Variants in SPOCK3 observed in about 807,000 individuals in gnomAD.
SPOCK3 encodes the protein testican-3.
In SPOCK3, 30 loss-of-function variants were observed where a neutral mutation model predicts 56.6. The ratio of observed to expected loss-of-function variants is 0.53; its 90% CI spans 0.40 to 0.72. SPOCK3 has a LOEUF of 0.72. SPOCK3 is among the 30% of genes least tolerant of loss of function. SPOCK3 has a pLI of 0.00. For missense variants in SPOCK3, 527 were observed against 530.0 expected (o/e 0.99, Z 0.06); for synonymous variants, 196 against 183.3 (o/e 1.07, Z -0.56).
chr4:167,058,396 C>T (rs932893536), intron 3 of SPOCK3, among the ~76,000 whole-genome samples: 1 of 152,136 alleles, frequency 6.6e-6, no homozygotes, highest in Non-Finnish European at 1.5e-5. Context: ...AACTCCCATT[C>T]ATAAGTGCTT....
chr4:166,746,352 C>G (rs187889391), intron 8 of SPOCK3, among the ~76,000 whole-genome samples: 1 of 152,198 alleles, frequency 6.6e-6, no homozygotes, highest in African/African-American at 2.4e-5. Flanking sequence ...CAAAACCACT[C>G]AACTACATGG....
At chr4:167,102,219 AT>A (rs1405789699) in intron 2 of SPOCK3, among the ~76,000 whole-genome samples, 1 of 152,038 alleles carries the variant, frequency 6.6e-6, no homozygotes, top group Non-Finnish European at 1.5e-5. Context: ...TTCAGCTGTT[AT>A]TTGGAATGAC....
At chr4:167,067,645 C>T (rs760907625) in intron 2 of SPOCK3, among the ~76,000 whole-genome samples, 3 of 151,654 alleles carry the variant, frequency 2.0e-5, no homozygotes, top group Non-Finnish European at 4.4e-5. Context: ...CATATAAGAC[C>T]TCTGTATAGA....
chr4:166,913,037 C>A (rs953420606), intron 4 of SPOCK3, among the ~76,000 whole-genome samples: 1 of 152,028 alleles, frequency 6.6e-6, no homozygotes, highest in Admixed American at 6.6e-5. Context: ...GACTCAGAAA[C>A]AGAAGCAACA....
At chr4:166,831,733 G>A (rs886220718) in intron 6 of SPOCK3, among the ~76,000 whole-genome samples, 7 of 137,968 alleles carry the variant, frequency 5.1e-5, no homozygotes, top group Admixed American at 7.2e-5. Flanking sequence ...AACATCTTTC[G>A]GTATCATCAA....
At chr4:167,015,652 A>G (rs1750542220) in intron 3 of SPOCK3, among the ~76,000 whole-genome samples, 1 of 152,158 alleles carries the variant, frequency 6.6e-6, no homozygotes, top group Non-Finnish European at 1.5e-5. Context: ...CTTACAAAAA[A>G]CAATCCGTTG....
chr4:167,027,360 C>T (rs568840612), intron 3 of SPOCK3, among the ~76,000 whole-genome samples: 3 of 152,014 alleles, frequency 2.0e-5, no homozygotes, highest in Non-Finnish European at 4.4e-5. Flanking sequence ...GTTCATACAA[C>T]CTCATCGTAC....
At chr4:166,781,088 T>G (rs990595093) in intron 7 of SPOCK3, among the ~76,000 whole-genome samples, 2 of 152,062 alleles carry the variant, frequency 1.3e-5, no homozygotes, top group African/African-American at 2.4e-5. Context: ...CATCACTAAT[T>G]CCAGGCACAA....
chr4:166,921,271 A>T (rs769221106), intron 4 of SPOCK3, among the ~76,000 whole-genome samples: 1 of 152,044 alleles, frequency 6.6e-6, no homozygotes, highest in Non-Finnish European at 1.5e-5. Flanking sequence ...TTTTTCTATC[A>T]GATTGTATTG....
chr4:166,767,667 T>A (rs1738288020), intron 7 of SPOCK3, among the ~76,000 whole-genome samples: 1 of 152,198 alleles, frequency 6.6e-6, no homozygotes, highest in Non-Finnish European at 1.5e-5. Flanking sequence ...TATATTCTGT[T>A]GATTTGGGGT....
At chr4:167,137,865 A>G (rs1763246689) in intron 2 of SPOCK3, among the ~76,000 whole-genome samples, 2 of 151,886 alleles carry the variant, frequency 1.3e-5, no homozygotes, top group Non-Finnish European at 2.9e-5. Flanking sequence ...TATGTATTCA[A>G]ATGTATTCAA....
At chr4:166,840,249 C>G (rs1351948368) in intron 6 of SPOCK3, among the ~76,000 whole-genome samples, 2 of 152,074 alleles carry the variant, frequency 1.3e-5, no homozygotes, top group Non-Finnish European at 2.9e-5. Context: ...GCTCCCTACA[C>G]AGCATTTTTT....
intron 2 of SPOCK3, among the ~76,000 whole-genome samples, chr4:167,195,231 T>C (rs1057152324): frequency 1.4e-4 from 22 of 152,322 alleles, no homozygotes; most frequent in Admixed American, 1.4e-3. Flanking sequence ...TGAGAGGAGC[T>C]GGAGCCAAAG....
chr4:167,065,037 CA>C (rs56284627), intron 2 of SPOCK3, among the ~76,000 whole-genome samples: 309 of 64,034 alleles, frequency 4.8e-3, no homozygotes, highest in African/African-American at 0.018. Context: ...ATGCCCTCTC[CA>C]AAAAAAAAAA....
rs72699688 is a variant in SPOCK3 at position 167,172,378 on chromosome 4, C to T, written c.189+61607G>A. ...AATAATCAAATACCATTTTTCATACCCAACAGAGAGTCATTCATTTTCTAA... is the reference window on the plus strand; with the variant it reads ...AATAATCAAATACCATTTTTCATACTCAACAGAGAGTCATTCATTTTCTAA... On this transcript the variant is annotated intron_variant, in intron 2 of 10. Transcript: ENST00000357545. Among the ~76,000 whole-genome samples, 1,187 of 152,132 alleles carry T rather than the reference C, an allele frequency of 7.8e-3. 4 individuals are homozygous for T. The highest frequency in any genetic ancestry group is 0.012 in the Non-Finnish European group (813 of 67,996).
At chr4:167,089,617 T>A (rs1000372598) in intron 2 of SPOCK3, among the ~76,000 whole-genome samples, 1 of 152,176 alleles carries the variant, frequency 6.6e-6, no homozygotes, top group Non-Finnish European at 1.5e-5. Context: ...AAATGATATA[T>A]GTTTTAAATT....
In SPOCK3 at chr4:166,734,660, A is replaced by G. The variant is rs1410847415; in HGVS notation, c.*261T>C. On this transcript the variant is annotated 3_prime_UTR_variant, in exon 11 of 11. Transcript: ENST00000357545. Reference sequence around the variant, plus strand: ...TTTGTTCTCGTGAAAAACTTATTATAGTAGCACTTCAAAACTTTATTTTGT... The same window carrying G: ...TTTGTTCTCGTGAAAAACTTATTATGGTAGCACTTCAAAACTTTATTTTGT... 3 of 304,336 alleles carry G rather than the reference A, an allele frequency of 9.9e-6. No homozygotes were observed. The highest frequency in any genetic ancestry group is 1.8e-5 in the Non-Finnish European group (3 of 168,078). 18.9% of individuals were successfully genotyped at this position (304,336 alleles called of 1,614,324 possible). A position where few individuals can be genotyped will look rare whatever the true frequency, so the allele number is the denominator to read the frequency against.
At chr4:166,951,742 G>C (rs560681951) in intron 4 of SPOCK3, among the ~76,000 whole-genome samples, 1 of 143,442 alleles carries the variant, frequency 7.0e-6, no homozygotes, top group Admixed American at 6.7e-5. Context: ...CCATGATCAA[G>C]TGGGCTTCAT....
chr4:166,769,171 CCTT>C (rs926463838), intron 7 of SPOCK3, among the ~76,000 whole-genome samples: 17 of 152,208 alleles, frequency 1.1e-4, no homozygotes, highest in African/African-American at 3.9e-4. Flanking sequence ...GTGTCTGAAG[CCTT>C]CTTCTCTCAA....
Sources: gnomAD v4.1 joint callset for allele counts (sites outside exome capture counted in the v4.1 genomes callset) on GRCh38, gnomAD v4.1.1 for gene constraint, MANE v1.5 for transcripts, NCBI Gene and HGNC (gene_info 2026-07-23, HGNC 2026-07-21) for gene names.